MGAT4C: variants seen among roughly 807,000 people sequenced by gnomAD.
MGAT4C encodes the protein alpha-1,3-mannosyl-glycoprotein 4-beta-N-acetylglucosaminyltransferase C.
MGAT4C carries 19 observed loss-of-function variants against 40.1 expected under a neutral mutation model. The observed-to-expected ratio is 0.47, with a 90% CI of 0.33 to 0.70. The LOEUF (loss-of-function observed/expected upper bound fraction) is 0.70, where lower values mean the gene tolerates loss of function less well. Ranked by LOEUF, MGAT4C falls within the 30% of genes least tolerant of loss-of-function variation. The probability of loss-of-function intolerance (pLI) is 0.02; values close to 1 mark genes in which losing one functional copy is unlikely to be tolerated. For missense variants in MGAT4C, 491 were observed against 563.2 expected (o/e 0.87, Z 1.30); for synonymous variants, 181 against 187.1 (o/e 0.97, Z 0.27).
At chr12:86,026,413 TTTTG>T (rs1386767952) in intron 2 of MGAT4C, among the ~76,000 whole-genome samples, 4 of 151,762 alleles carry the variant, frequency 2.6e-5, no homozygotes, top group Non-Finnish European at 1.5e-5. Context: ...CATATCATGT[TTTTG>T]TTTCTTTCAC....
intron 3 of MGAT4C, among the ~76,000 whole-genome samples, chr12:86,371,881 T>C (rs1209609307): frequency 2.0e-5 from 3 of 151,934 alleles, no homozygotes; most frequent in East Asian, 1.9e-4. Flanking sequence ...AGTTAGGTAA[T>C]ATAATAAGTC....
At chr12:86,442,971 A>T (rs1189698539) in intron 2 of MGAT4C, among the ~76,000 whole-genome samples, 1 of 152,098 alleles carries the variant, frequency 6.6e-6, no homozygotes, top group Non-Finnish European at 1.5e-5. Flanking sequence ...TTTAGCGATA[A>T]GGTATTTTTA....
chr12:86,398,138 T>C (rs1956293214), intron 3 of MGAT4C, among the ~76,000 whole-genome samples: 1 of 152,200 alleles, frequency 6.6e-6, no homozygotes, highest in African/African-American at 2.4e-5. Context: ...TAAAACCGTA[T>C]AAATTTATTT....
At chr12:86,678,783 T>C (rs1949917768) in intron 2 of MGAT4C, among the ~76,000 whole-genome samples, 2 of 152,148 alleles carry the variant, frequency 1.3e-5, no homozygotes, top group Non-Finnish European at 2.9e-5. Context: ...GGCTGCATAG[T>C]ATTCCATGGT....
intron 1 of MGAT4C, among the ~76,000 whole-genome samples, chr12:86,160,998 G>A (rs1885532128): frequency 6.6e-6 from 1 of 151,996 alleles, no homozygotes; most frequent in South Asian, 2.1e-4. Flanking sequence ...GAATACAACA[G>A]ATGGCAGAGT....
At chr12:86,314,769 C>T (rs769530547) in intron 4 of MGAT4C, among the ~76,000 whole-genome samples, 12 of 152,260 alleles carry the variant, frequency 7.9e-5, no homozygotes, top group African/African-American at 1.4e-4. Context: ...CATTAAAATA[C>T]GTAAGAATAC....
chr12:86,053,879 A>C lies in MGAT4C; in HGVS notation c.-56-4156T>G, dbSNP rs1302181307. Among the ~76,000 whole-genome samples, 4 of 152,014 alleles carry C rather than the reference A, an allele frequency of 2.6e-5. No homozygotes were observed. In the East Asian group the frequency reaches 7.7e-4, roughly 29 times the overall value. ...ACTCATTACCAGAGAAATGCAAGTA[A>C]AATTCATGATGAGTTATCACCTGAC... is the stretch of plus-strand genomic sequence containing the variant. On this transcript the variant is annotated intron_variant, in intron 1 of 4. Coordinates refer to ENST00000611864, the MANE Select transcript of MGAT4C (RefSeq NM_001351288.2).
chr12:86,696,482 G>A (rs1950261480), intron 2 of MGAT4C, among the ~76,000 whole-genome samples: 2 of 152,140 alleles, frequency 1.3e-5, no homozygotes, highest in Admixed American at 1.3e-4. Flanking sequence ...ACTTAAGTAC[G>A]CTTTAAGCAA....
chr12:86,403,767 T>G (rs1305045039), intron 3 of MGAT4C, among the ~76,000 whole-genome samples: 1 of 152,218 alleles, frequency 6.6e-6, no homozygotes, highest in African/African-American at 2.4e-5. Flanking sequence ...TACTTTTTAT[T>G]GTCCTGGAAG....
intron 1 of MGAT4C, among the ~76,000 whole-genome samples, chr12:86,203,694 A>G (rs1240861218): frequency 6.6e-6 from 1 of 152,084 alleles, no homozygotes; most frequent in Non-Finnish European, 1.5e-5. Flanking sequence ...GTGGTGGCTC[A>G]CGCTTGTAAT....
intron 4 of MGAT4C, among the ~76,000 whole-genome samples, chr12:86,321,672 G>C (rs1372854347): frequency 2.6e-5 from 4 of 152,112 alleles, no homozygotes; most frequent in Admixed American, 2.6e-4. Context: ...AGACCTGTGA[G>C]ATACCATCTC....
intron 2 of MGAT4C, among the ~76,000 whole-genome samples, chr12:86,666,722 T>C (rs1473932340): frequency 6.6e-6 from 1 of 152,176 alleles, no homozygotes; most frequent in East Asian, 1.9e-4. Flanking sequence ...GATTTCAAGT[T>C]TTTTTCCTGA....
In MGAT4C at chr12:86,824,989, T is replaced by G. The variant is rs1295747917; in HGVS notation, c.-262+13677A>C. Among the ~76,000 whole-genome samples the G allele has an allele frequency of 2.0e-5, 3 of 151,320 alleles. No homozygotes were observed. In the Admixed American group the frequency reaches 2.0e-4, roughly 10 times the overall value. On this transcript the variant is annotated intron_variant, in intron 1 of 7. Coordinates refer to the MGAT4C transcript ENST00000548651. The stretch of plus-strand genomic sequence containing the variant: ...TTTGAATACACAAGAAATATTTTCA[T>G]GAACTGTTTCTGATCTAAGTAGAAA...
chr12:86,729,191 A>T (rs760572845), intron 1 of MGAT4C, among the ~76,000 whole-genome samples: 9 of 152,152 alleles, frequency 5.9e-5, no homozygotes, highest in Non-Finnish European at 1.3e-4. Flanking sequence ...TTAATTGTAC[A>T]TTTAAAATAA....
At chr12:85,999,080 C>T (rs995648226) in intron 2 of MGAT4C, among the ~76,000 whole-genome samples, 2 of 152,136 alleles carry the variant, frequency 1.3e-5, no homozygotes, top group African/African-American at 2.4e-5. Context: ...TCATGTCTTA[C>T]ATGGATGGCA....
At chr12:86,664,764 C>T (rs571577162) in intron 2 of MGAT4C, among the ~76,000 whole-genome samples, 42 of 152,186 alleles carry the variant, frequency 2.8e-4, no homozygotes, top group African/African-American at 9.9e-4. Flanking sequence ...TGTGTTCTAA[C>T]GAATCCCATT....
chr12:86,753,046 T>C (rs948920886), intron 1 of MGAT4C, among the ~76,000 whole-genome samples: 7 of 152,102 alleles, frequency 4.6e-5, no homozygotes, highest in Non-Finnish European at 8.8e-5. Context: ...ACCAAATCTA[T>C]AAACTAGACT....
chr12:86,836,074 A>G (rs1953031756), intron 1 of MGAT4C, among the ~76,000 whole-genome samples: 1 of 152,056 alleles, frequency 6.6e-6, no homozygotes, highest in Non-Finnish European at 1.5e-5. Flanking sequence ...CATTATACAT[A>G]TAATGAGACA....
intron 2 of MGAT4C, among the ~76,000 whole-genome samples, chr12:86,578,695 A>G (rs1292458454): frequency 6.6e-6 from 1 of 151,794 alleles, no homozygotes; most frequent in East Asian, 1.9e-4. Flanking sequence ...TTTCTGCAGT[A>G]TCAGTTGTAA....
Sources: allele counts gnomAD v4.1 joint callset (sites outside exome capture counted in the v4.1 genomes callset), GRCh38; gene constraint gnomAD v4.1.1; transcripts MANE v1.5; gene names NCBI Gene and HGNC (gene_info 2026-07-23, HGNC 2026-07-21).